SLC66A3: variants seen among roughly 807,000 people sequenced by gnomAD.
SLC66A3 encodes solute carrier family 66 member 3, also known as PQ loop repeat containing 3.
SLC66A3 carries 23 observed loss-of-function variants against 25.5 expected under a neutral mutation model. That is an observed-to-expected ratio of 0.90 (90% CI 0.65 to 1.28). SLC66A3 has a LOEUF of 1.28. SLC66A3 is among the 50% of genes most tolerant of loss of function. SLC66A3 has a pLI of 0.00. For missense variants in SLC66A3, 246 were observed against 262.1 expected, an observed-to-expected ratio of 0.94 and a Z score of 0.42; for synonymous variants, 108 against 112.6, an observed-to-expected ratio of 0.96 and a Z score of 0.26.
At chr2:11,166,163 G>A (rs1034037336) in intron 4 of SLC66A3, among the ~76,000 whole-genome samples, 2 of 152,140 alleles carry the variant, frequency 1.3e-5, no homozygotes, top group East Asian at 1.9e-4. Context: ...TGTGAGCCAC[G>A]GCAGCTGGCC....
Position 11,168,016 on chromosome 2 carries a change from C to T in SLC66A3, c.354+3755C>T, listed in dbSNP as rs543305860. ...ATCTGCAAGGCCGGGTGCGGTGGCT[C>T]ACGCCTGTGATCCCAGCACTCTGGG... On this transcript the variant is annotated intron_variant, in intron 4 of 6. Transcript: ENST00000295083. 5.3e-5 allele frequency among the ~76,000 whole-genome samples: 8 copies of T among 152,284 alleles called. No individual in the cohort carries two copies. The East Asian group carries it at 1.2e-3, about 22-fold the overall frequency.
Position 11,164,198 on chromosome 2 carries a change from G to T in SLC66A3, c.297-6G>T. ...CCCACTGCTGTGTCCCTTAGCACTT[G>T]GTAAGATTGGTGTCTTCTTGGTTCA... On this transcript the variant is annotated splice_polypyrimidine_tract_variant and splice_region_variant and intron_variant, in intron 3 of 6. Coordinates refer to ENST00000295083, the MANE Select transcript of SLC66A3 (RefSeq NM_152391.5). 6.4e-7 allele frequency: 1 copy of T among 1,574,700 alleles called. No homozygotes were observed. Among genetic ancestry groups the T allele is most frequent in the South Asian group, 1.2e-5 (1 of 85,176 alleles).
Position 11,171,942 on chromosome 2 carries a change from CA to C in SLC66A3, c.373del (p.Ser125AlafsTer21). ...DLAMNLCTFI[S>X]AASKFAQLQC... ...GCAAACAGAATCTATGTACTTTCAT[CA>C]GCGCGGCCAGTAAGTTTGCACAGCT... On this transcript the variant is annotated frameshift_variant, in exon 5 of 7. Transcript: ENST00000295083. LOFTEE classifies it high-confidence loss of function. 1.2e-6 allele frequency: 2 copies of C among 1,613,948 alleles called. No individual in the cohort carries two copies. The highest frequency in any genetic ancestry group is 2.2e-5 in the South Asian group (2 of 91,078).
chr2:11,171,876 T>A, intron 4 of SLC66A3, 49 bp from the exon 5 acceptor site: 9 of 1,607,130 alleles, frequency 5.6e-6, no homozygotes, highest in Non-Finnish European at 7.7e-6. Context: ...CCTCTTTTGC[T>A]TTTTTAACAA....
At chr2:11,156,544 G>T (rs1018379350) in intron 1 of SLC66A3, among the ~76,000 whole-genome samples, 4 of 152,112 alleles carry the variant, frequency 2.6e-5, no homozygotes, top group African/African-American at 9.7e-5. Flanking sequence ...GGGGTGGGGG[G>T]TGCGGCATAC....
intron 1 of SLC66A3, among the ~76,000 whole-genome samples, chr2:11,159,694 C>T (rs1205628950): frequency 6.6e-6 from 1 of 152,204 alleles, no homozygotes; most frequent in East Asian, 1.9e-4. Context: ...TCTGAACACA[C>T]AGGTGAGAGG....
chr2:11,160,428 T>C, intron 1 of SLC66A3, 38 bp from the exon 2 acceptor site: 1 of 1,587,840 alleles, frequency 6.3e-7, no homozygotes, highest in Non-Finnish European at 8.6e-7. Context: ...AGCTGCGTTT[T>C]GGGGCAGCCG....
chr2:11,165,199 G>A (rs1479874928), intron 4 of SLC66A3, among the ~76,000 whole-genome samples: 1 of 151,648 alleles, frequency 6.6e-6, no homozygotes. Context: ...CGGCTGCCGG[G>A]CGGAGACGCT....
chr2:11,160,215 A>T (rs1662066905), intron 1 of SLC66A3: 1 of 569,952 alleles, frequency 1.8e-6, no homozygotes, highest in African/African-American at 1.9e-5. Flanking sequence ...CGACCATCTC[A>T]AGGCACTCTA....
intron 3 of SLC66A3, among the ~76,000 whole-genome samples, chr2:11,161,681 G>C (rs1455133566): frequency 2.6e-5 from 4 of 152,148 alleles, no homozygotes. Flanking sequence ...ACTATGCCCA[G>C]CTAATTAAAA....
intron 5 of SLC66A3, among the ~76,000 whole-genome samples, chr2:11,174,281 G>A (rs547069639): frequency 6.6e-6 from 1 of 151,748 alleles, no homozygotes; most frequent in African/African-American, 2.4e-5. Flanking sequence ...ATTAGTGGGA[G>A]CCTTTCTTTA....
At chr2:11,170,620 A>C (rs1662517289) in intron 4 of SLC66A3, among the ~76,000 whole-genome samples, 1 of 147,708 alleles carries the variant, frequency 6.8e-6, no homozygotes. Context: ...ACGGAGTTGC[A>C]CTCTGTTGCC....
chr2:11,160,600 C>G (rs767399044), intron 2 of SLC66A3, 25 bp from the exon 3 acceptor site: 1 of 1,614,180 alleles, frequency 6.2e-7, no homozygotes, highest in Non-Finnish European at 8.5e-7. Context: ...CCCTTCCCCC[C>G]TCACTCGGAG....
chr2:11,176,569 C>T (rs1234762674), intron 6 of SLC66A3, among the ~76,000 whole-genome samples: 9 of 109,858 alleles, frequency 8.2e-5, no homozygotes, highest in Non-Finnish European at 1.7e-4. Flanking sequence ...CGCTCTGTCG[C>T]CCAGGCTGGA....
rs778665036 is a variant in SLC66A3, at chr2:11,155,657, C to G, written c.111C>G (p.Leu37=). Residue 37 remains leucine, a synonymous_variant, in exon 1 of 7, where the codon CTC becomes CTG. Coordinates refer to ENST00000295083, the MANE Select transcript of SLC66A3 (RefSeq NM_152391.5). ...TAGCGGCGCGCAGCGCGCGGGGCCT[C>G]AGCCTTCCGAGTTTACTTCTGGAGC... is the stretch of plus-strand genomic sequence containing the variant. The part of the protein sequence containing the change: ...AVLAARSARG[L]SLPSLLLELA... 1.3e-6 allele frequency: 2 copies of G among 1,481,884 alleles called. No homozygotes were observed. The highest frequency in any genetic ancestry group is 1.8e-6 in the Non-Finnish European group (2 of 1,124,086). 91.8% of individuals were successfully genotyped at this position (1,481,884 alleles called of 1,614,324 possible).
intron 4 of SLC66A3, among the ~76,000 whole-genome samples, chr2:11,169,963 C>T (rs1051371642): frequency 3.3e-5 from 5 of 151,432 alleles, no homozygotes; most frequent in Admixed American, 6.6e-5. Flanking sequence ...CTCAGCCTCC[C>T]GAGTAGCTGG....
At chr2:11,161,650 C>T (rs1303344020) in intron 3 of SLC66A3, among the ~76,000 whole-genome samples, 1 of 152,158 alleles carries the variant, frequency 6.6e-6, no homozygotes, top group Non-Finnish European at 1.5e-5. Context: ...TCCTGAGTAG[C>T]TGGAGCTACA....
intron 1 of SLC66A3, 140 bp from the exon 2 acceptor site, chr2:11,160,326 A>G: frequency 5.5e-6 from 4 of 723,538 alleles, no homozygotes; most frequent in Non-Finnish European, 9.8e-6. Context: ...ATTTTGTTCT[A>G]AACCTTCCTC....
At chr2:11,174,903 T>G in intron 5 of SLC66A3, 65 bp from the exon 6 acceptor site, 1 of 1,100,722 alleles carries the variant, frequency 9.1e-7, no homozygotes, top group Non-Finnish European at 1.4e-6. Flanking sequence ...GGGAAAGACA[T>G]TATTAGCTAA....
Sources: gnomAD v4.1 joint callset for allele counts (sites outside exome capture counted in the v4.1 genomes callset) on GRCh38, gnomAD v4.1.1 for gene constraint, MANE v1.5 for transcripts, NCBI Gene and HGNC (gene_info 2026-07-23, HGNC 2026-07-21) for gene names.